The following ITPR2 variants were observed in gnomAD, a reference collection of about 807,000 sequenced individuals.
ITPR2 encodes the protein inositol 1,4,5-trisphosphate receptor type 2.
ITPR2 carries 207 observed loss-of-function variants against 317.1 expected under a neutral mutation model. The observed-to-expected ratio is 0.65, with a 90% CI of 0.58 to 0.73. The LOEUF (loss-of-function observed/expected upper bound fraction) is 0.73, where lower values mean the gene tolerates loss of function less well. Ranked by LOEUF, ITPR2 falls within the 30% of genes least tolerant of loss-of-function variation. ITPR2 has a pLI of 0.00. For synonymous variants in ITPR2, 1,156 were observed against 1,149.1 expected (o/e 1.01, Z -0.12); for missense variants, 2,613 against 3,284.0 (o/e 0.80, Z 4.99).
intron 55 of ITPR2, among the ~76,000 whole-genome samples, chr12:26,353,508 G>C (rs909556186): frequency 2.0e-5 from 3 of 152,188 alleles, no homozygotes; most frequent in African/African-American, 4.8e-5. Flanking sequence ...TTCCATGACA[G>C]TCTGAGTATC....
chr12:26,369,491 G>A (rs1486587270), intron 55 of ITPR2, among the ~76,000 whole-genome samples: 6 of 152,140 alleles, frequency 3.9e-5, no homozygotes, highest in Non-Finnish European at 5.9e-5. Flanking sequence ...AATGTACATC[G>A]TGTATAAGAG....
chr12:26,445,569 T>C (rs1941590684), intron 45 of ITPR2, among the ~76,000 whole-genome samples: 4 of 152,034 alleles, frequency 2.6e-5, no homozygotes, highest in African/African-American at 9.7e-5. Context: ...AGAAATAATT[T>C]CAAGAAGGAG....
intron 2 of ITPR2, among the ~76,000 whole-genome samples, chr12:26,771,720 T>A (rs913388490): frequency 1.7e-4 from 26 of 152,040 alleles, no homozygotes; most frequent in Non-Finnish European, 3.8e-4. Context: ...TTCACTGTGT[T>A]AGCAGGATGG....
In ITPR2 at chr12:26,438,686, C is replaced by CA. The variant is rs377335680; in HGVS notation, c.6643+440dup. On this transcript the variant is annotated intron_variant, in intron 47 of 56. Transcript: ENST00000381340. ...TGATTTGGGGAGGTAAAGATATGTT[C>CA]AAAGAAAGAATTACTCTCAGCAAAA... Among the ~76,000 whole-genome samples, 418 of 152,144 alleles carry CA rather than the reference C, an allele frequency of 2.7e-3. 1 individual carries two copies. Among genetic ancestry groups the CA allele is most frequent in the African/African-American group, 9.6e-3 (397 of 41,510 alleles).
intron 37 of ITPR2, among the ~76,000 whole-genome samples, chr12:26,530,269 C>T (rs1019513034): frequency 3.3e-5 from 5 of 152,170 alleles, no homozygotes; most frequent in Non-Finnish European, 4.4e-5. Flanking sequence ...AACCAGCTAA[C>T]ATCTCAAACA....
intron 37 of ITPR2, among the ~76,000 whole-genome samples, chr12:26,533,286 C>G (rs903220457): frequency 6.6e-6 from 1 of 152,068 alleles, no homozygotes; most frequent in Non-Finnish European, 1.5e-5. Context: ...TTTTTTTCAA[C>G]CTTAACCTAA....
At position 26,631,957 on chromosome 12, in the gene ITPR2, G is replaced by A; in HGVS notation, c.2843C>T (p.Pro948Leu). The change falls in exon 22 of 57, where the codon CCC (proline) becomes CTC (leucine). Residue 948 changes from proline (P) to leucine (L), a missense_variant. Around this residue, in one of 9 missense-constraint regions of ITPR2, gnomAD observed 817 missense variants for 897.6 expected, o/e 0.91. Coordinates refer to ENST00000381340, the MANE Select transcript of ITPR2 (RefSeq NM_002223.4). ...CCCTTGCTTGCTCGGGTGGATGCTG[G>A]GTGGCACATCCGGCACGCTCATGGG... ...IFPMSVPDVP[P>L]SIHPSKQGSP... 3 of 1,613,634 alleles carry A rather than the reference G, an allele frequency of 1.9e-6. No homozygotes were observed. Among genetic ancestry groups the A allele is most frequent in the East Asian group, 2.2e-5 (1 of 44,832 alleles).
intron 32 of ITPR2, among the ~76,000 whole-genome samples, chr12:26,593,613 T>C (rs1945760637): frequency 6.6e-6 from 1 of 152,220 alleles, no homozygotes; most frequent in Non-Finnish European, 1.5e-5. Context: ...TATAGCTAAG[T>C]TATTGTGGTT....
chr12:26,435,277 T>C (rs1380684194), intron 48 of ITPR2, among the ~76,000 whole-genome samples: 2 of 152,196 alleles, frequency 1.3e-5, no homozygotes, highest in East Asian at 1.9e-4. Flanking sequence ...CGCTTCCTTA[T>C]GTAGTACAAA....
chr12:26,729,894 A>C (rs1278702351), intron 2 of ITPR2, among the ~76,000 whole-genome samples: 1 of 152,176 alleles, frequency 6.6e-6, no homozygotes, highest in Non-Finnish European at 1.5e-5. Context: ...AATCTGTACA[A>C]CAAACCCCCA....
At chr12:26,366,418 C>A (rs976474286) in intron 55 of ITPR2, among the ~76,000 whole-genome samples, 1 of 152,152 alleles carries the variant, frequency 6.6e-6, no homozygotes, top group African/African-American at 2.4e-5. Context: ...TTGTATTTTT[C>A]AGGGACGTCT....
intron 5 of ITPR2, among the ~76,000 whole-genome samples, chr12:26,720,989 T>C (rs188380141): frequency 2.3e-4 from 35 of 152,292 alleles, no homozygotes; most frequent in African/African-American, 7.9e-4. Flanking sequence ...TATTTAATTT[T>C]CATGGACCTC....
At chr12:26,457,319 A>C (rs1941915968) in intron 45 of ITPR2, among the ~76,000 whole-genome samples, 1 of 152,212 alleles carries the variant, frequency 6.6e-6, no homozygotes, top group Non-Finnish European at 1.5e-5. Flanking sequence ...CACAGCCAGG[A>C]GGCCAGTGTG....
At chr12:26,458,078 G>C (rs762936959) in intron 45 of ITPR2, among the ~76,000 whole-genome samples, 4 of 152,180 alleles carry the variant, frequency 2.6e-5, no homozygotes, top group Non-Finnish European at 5.9e-5. Flanking sequence ...GACAGGATCA[G>C]CTGACCTTTC....
At chr12:26,698,783 G>A (rs996541460) in intron 9 of ITPR2, among the ~76,000 whole-genome samples, 6 of 152,068 alleles carry the variant, frequency 3.9e-5, no homozygotes, top group South Asian at 2.1e-4. Context: ...GTTTCAAAAC[G>A]GGATTTAATC....
chr12:26,498,408 C>G (rs1322556710), intron 37 of ITPR2, among the ~76,000 whole-genome samples: 2 of 151,988 alleles, frequency 1.3e-5, no homozygotes, highest in African/African-American at 4.8e-5. Flanking sequence ...AAATTTCTTC[C>G]AAAAGGAAAG....
In ITPR2 at chr12:26,625,573, T is replaced by C. The variant is rs571041153; in HGVS notation, c.3065-1217A>G. On this transcript the variant is annotated intron_variant, in intron 23 of 56. Transcript: ENST00000381340. The stretch of plus-strand genomic sequence containing the variant: ...ATGTAATTTTTTAATGTAAACTATG[T>C]TTTAAACTAATGTATTGCTGTAATC... Among the ~76,000 whole-genome samples, 7 of 152,346 alleles carry C rather than the reference T, an allele frequency of 4.6e-5. No homozygotes were observed. The South Asian group carries it at 1.0e-3, about 23-fold the overall frequency.
chr12:26,622,657 A>G (rs953849687), intron 24 of ITPR2, among the ~76,000 whole-genome samples: 1 of 152,178 alleles, frequency 6.6e-6, no homozygotes, highest in African/African-American at 2.4e-5. Context: ...GTTCCTAGGG[A>G]AACTGGGATG....
chr12:26,701,659 G>A (rs1044981358), intron 9 of ITPR2, among the ~76,000 whole-genome samples: 4 of 152,118 alleles, frequency 2.6e-5, no homozygotes, highest in African/African-American at 9.7e-5. Flanking sequence ...ACATTTGAGA[G>A]AGAACTAAAC....
Sources: gnomAD v4.1 joint callset for allele counts (sites outside exome capture counted in the v4.1 genomes callset) on GRCh38, gnomAD v4.1.1 for gene constraint, gnomAD v4.1.1 regional missense constraint, MANE v1.5 for transcripts, NCBI Gene and HGNC (gene_info 2026-07-23, HGNC 2026-07-21) for gene names.